The following SLAMF6 variants were observed in gnomAD, a reference collection of about 807,000 sequenced individuals.
The protein encoded by SLAMF6 is SLAM family member 6.
A neutral mutation model predicts 38.3 loss-of-function variants in SLAMF6; 21 were observed. The observed-to-expected ratio is 0.55, with a 90% confidence interval of 0.39 to 0.79. The LOEUF is 0.79. SLAMF6 is among the 30% of genes least tolerant of loss of function. The pLI is 0.00. For missense variants in SLAMF6, 341 were observed against 385.3 expected (o/e 0.89, Z 0.96); for synonymous variants, 152 against 146.3 (o/e 1.04, Z -0.28).
In SLAMF6 at chr1:160,515,609, A is replaced by C. The variant is rs573935342; in HGVS notation, c.49+7535T>G. 3.3e-5 allele frequency among the ~76,000 whole-genome samples: 5 copies of C among 152,338 alleles called. No individual in the cohort carries two copies. The East Asian group carries it at 9.6e-4, about 29-fold the overall frequency. ...AACACTGATGCAAAAATTCTCAATA[A>C]AATACTGGCAAACCAAATATAGCGG... On this transcript the variant is annotated intron_variant, in intron 1 of 7. Transcript: ENST00000368057.
rs566323025 is a variant in SLAMF6 at position 160,519,874 on chromosome 1, T to C, written c.49+3270A>G. 3.3e-5 allele frequency among the ~76,000 whole-genome samples: 5 copies of C among 152,172 alleles called. No homozygotes were observed. The South Asian group carries it at 8.3e-4, about 25-fold the overall frequency. ...TGAAAATGTTTTAGAATAATAGAAG[T>C]GGTGGTTTCACAAAATGTACAAAAT... On this transcript the variant is annotated intron_variant, in intron 1 of 7. Transcript: ENST00000368057.
At chr1:160,488,821 G>C (rs1012002110) in intron 6 of SLAMF6, among the ~76,000 whole-genome samples, 1 of 152,210 alleles carries the variant, frequency 6.6e-6, no homozygotes, top group African/African-American at 2.4e-5. Flanking sequence ...CTTTCAGTCA[G>C]CTTGTAATTA....
In SLAMF6 at chr1:160,519,517, G is replaced by C. The variant is rs532583949; in HGVS notation, c.49+3627C>G. Among the ~76,000 whole-genome samples, 9 of 152,186 alleles carry C rather than the reference G, an allele frequency of 5.9e-5. No individual in the cohort carries two copies. The South Asian group carries it at 1.5e-3, about 25-fold the overall frequency. ...ACTTGTACACATAGCAGCACTATTC[G>C]CAAGAGCCAAAAGGCAAAAACAACC... On this transcript the variant is annotated intron_variant, in intron 1 of 7. Transcript: ENST00000368057.
At chr1:160,510,280 A>G (rs1018077728) in intron 1 of SLAMF6, among the ~76,000 whole-genome samples, 2 of 152,128 alleles carry the variant, frequency 1.3e-5, no homozygotes, top group Non-Finnish European at 2.9e-5. Flanking sequence ...AAAGCCAAAA[A>G]TATCAGAAAA....
chr1:160,518,313 G>A (rs1654835576), intron 1 of SLAMF6, among the ~76,000 whole-genome samples: 1 of 152,194 alleles, frequency 6.6e-6, no homozygotes, highest in Admixed American at 6.5e-5. Context: ...TGGTGGGAAT[G>A]TAAATTAGTT....
chr1:160,518,758 GC>G (rs1464253878), intron 1 of SLAMF6, among the ~76,000 whole-genome samples: 2 of 152,044 alleles, frequency 1.3e-5, no homozygotes, highest in Admixed American at 1.3e-4. Flanking sequence ...ACACACTGGG[GC>G]CTGTCGGGGG....
chr1:160,518,134 G>T (rs530067178), intron 1 of SLAMF6, among the ~76,000 whole-genome samples: 47 of 151,870 alleles, frequency 3.1e-4, no homozygotes, highest in African/African-American at 1.1e-3. Context: ...AGACATTTAT[G>T]TGGCCAAGAA....
chr1:160,500,408 A>C (rs1222100190), intron 1 of SLAMF6, among the ~76,000 whole-genome samples: 1 of 152,082 alleles, frequency 6.6e-6, no homozygotes, highest in Non-Finnish European at 1.5e-5. Context: ...TTGCATTTGC[A>C]ATCCTTTCTG....
chr1:160,511,289 T>C (rs1415831570), intron 1 of SLAMF6, among the ~76,000 whole-genome samples: 1 of 152,136 alleles, frequency 6.6e-6, no homozygotes, highest in Non-Finnish European at 1.5e-5. Flanking sequence ...AAAAGCAAAA[T>C]TGGTGGACTC....
chr1:160,523,128 C>T lies in SLAMF6; in HGVS notation c.49+16G>A. The T allele has an allele frequency of 1.2e-6, 2 of 1,613,728 alleles. No individual in the cohort carries two copies. Among genetic ancestry groups the T allele is most frequent in the Admixed American group, 3.3e-5 (2 of 59,950 alleles). ...GGAGTCACTCAGTGACTACACCGAT[C>T]TGGATTGACATTTACCTGGGCCAAA... On this transcript the variant is annotated intron_variant, in intron 1 of 7. Transcript: ENST00000368057.
chr1:160,506,313 C>T (rs886496953), intron 1 of SLAMF6, among the ~76,000 whole-genome samples: 5 of 152,068 alleles, frequency 3.3e-5, no homozygotes, highest in African/African-American at 1.2e-4. Flanking sequence ...ATAAAATCAA[C>T]AGCCAATTTC....
chr1:160,505,211 A>G (rs886832385), intron 1 of SLAMF6, among the ~76,000 whole-genome samples: 1 of 152,204 alleles, frequency 6.6e-6, no homozygotes, highest in Non-Finnish European at 1.5e-5. Flanking sequence ...GCAAGGAACA[A>G]AACAAAATAC....
intron 1 of SLAMF6, among the ~76,000 whole-genome samples, chr1:160,514,031 T>C (rs1204320664): frequency 6.6e-6 from 1 of 152,194 alleles, no homozygotes; most frequent in African/African-American, 2.4e-5. Flanking sequence ...TAACTTTAAA[T>C]ATAAATGTGC....
chr1:160,516,904 A>G (rs1217868019), intron 1 of SLAMF6, among the ~76,000 whole-genome samples: 1 of 152,150 alleles, frequency 6.6e-6, no homozygotes, highest in African/African-American at 2.4e-5. Context: ...AACTATGAAA[A>G]CCCTAGAATA....
chr1:160,505,360 C>A (rs1241106904), intron 1 of SLAMF6, among the ~76,000 whole-genome samples: 1 of 152,116 alleles, frequency 6.6e-6, no homozygotes, highest in African/African-American at 2.4e-5. Context: ...GAAATTGTCC[C>A]TAAGGAAGGA....
In SLAMF6 at chr1:160,522,628, C is replaced by CTT. The variant is rs11450209; in HGVS notation, c.49+514_49+515dup. Among the ~76,000 whole-genome samples the CTT allele has an allele frequency of 9.3e-4, 140 of 150,486 alleles. 1 individual carries two copies. Among genetic ancestry groups the CTT allele is most frequent in the African/African-American group, 2.1e-3 (85 of 41,094 alleles). ...ACTAAAGGAGGGGAGAGATGGAAAC[C>CTT]TTTTTTTTTGCAATGAGCAAAAGGT... On this transcript the variant is annotated intron_variant, in intron 1 of 7. Transcript: ENST00000368057.
chr1:160,512,246 G>A (rs901724823), intron 1 of SLAMF6, among the ~76,000 whole-genome samples: 2 of 152,182 alleles, frequency 1.3e-5, no homozygotes, highest in Non-Finnish European at 2.9e-5. Flanking sequence ...GGCAGACTGT[G>A]GCCAGACTGC....
At chr1:160,506,306 AAATC>A (rs369833856) in intron 1 of SLAMF6, among the ~76,000 whole-genome samples, 1 of 152,312 alleles carries the variant, frequency 6.6e-6, no homozygotes, top group African/African-American at 2.4e-5. Flanking sequence ...ATGCTCAATA[AAATC>A]AACAGCCAAT....
intron 1 of SLAMF6, 87 bp downstream of exon 1, chr1:160,523,057 C>T: frequency 7.0e-7 from 1 of 1,435,734 alleles, no homozygotes; most frequent in Non-Finnish European, 9.7e-7. Context: ...GAGAGCCAGA[C>T]AACTGTATAC....
Sources: gnomAD v4.1 joint callset for allele counts (sites outside exome capture counted in the v4.1 genomes callset) on GRCh38, gnomAD v4.1.1 for gene constraint, MANE v1.5 for transcripts, NCBI Gene and HGNC (gene_info 2026-07-23, HGNC 2026-07-21) for gene names.